Variants in RIOX2 observed in about 807,000 individuals in gnomAD.
The protein encoded by RIOX2 is 60S ribosomal protein L27a histidine hydroxylase.
In RIOX2, 43 loss-of-function variants were observed where a neutral mutation model predicts 51.2. The ratio of observed to expected loss-of-function variants is 0.84; its 90% CI spans 0.66 to 1.08. RIOX2 has a LOEUF of 1.08. Among genes scored for constraint, RIOX2 ranks in the 50% least tolerant of loss-of-function variants. The pLI, the probability that RIOX2 is intolerant of heterozygous loss-of-function variation, is 0.00. For synonymous variants in RIOX2, 226 were observed against 218.5 expected (o/e 1.03, Z -0.30); for missense variants, 566 against 561.7 (o/e 1.01, Z -0.08).
At chr3:97,953,327 G>A (rs571049565) in intron 5 of RIOX2, among the ~76,000 whole-genome samples, 174 of 151,786 alleles carry the variant, frequency 1.1e-3, no homozygotes, top group African/African-American at 4.0e-3. Flanking sequence ...TGAATTCCCA[G>A]CAACAAACAC....
In RIOX2 at chr3:97,943,461, A is replaced by G; in HGVS notation, c.*1723T>C. On this transcript the variant is annotated 3_prime_UTR_variant, in exon 10 of 10. Transcript: ENST00000394198. ...AACATTTTCTCCAGCCTCTGAGACT[A>G]TCGCTCTTAACCATGGAAAAGCTCA... 1 of 617,738 alleles carries G rather than the reference A, an allele frequency of 1.6e-6. No homozygotes were observed. The highest frequency in any genetic ancestry group is 2.8e-6 in the Non-Finnish European group (1 of 353,356). 38.3% of individuals were successfully genotyped at this position (617,738 alleles called of 1,614,324 possible).
chr3:97,965,244 G>A (rs1250975094), intron 2 of RIOX2, among the ~76,000 whole-genome samples: 1 of 149,654 alleles, frequency 6.7e-6, no homozygotes, highest in South Asian at 2.1e-4. Flanking sequence ...CAGCACAGTG[G>A]CTCACGCCTG....
At chr3:97,959,327 T>TTTTTG in intron 3 of RIOX2, 148 bp from the exon 4 acceptor site, 1 of 807,080 alleles carries the variant, frequency 1.2e-6, no homozygotes, top group East Asian at 3.0e-5. Flanking sequence ...TTTTTTTTTT[T>TTTTTG]TTTAGTTGTT....
chr3:97,943,244 A>G lies in RIOX2; in HGVS notation c.*1940T>C, dbSNP rs755281974. ...ATTTTAGGAGGAAATTATTGTGACAAGACTCATGTAATTGTAAATCAGCCC... is the reference window on the plus strand; with the variant it reads ...ATTTTAGGAGGAAATTATTGTGACAGGACTCATGTAATTGTAAATCAGCCC... On this transcript the variant is annotated 3_prime_UTR_variant, in exon 10 of 10. Coordinates refer to ENST00000394198, the MANE Select transcript of RIOX2 (RefSeq NM_153182.4). 12 of 1,580,980 alleles carry G rather than the reference A, an allele frequency of 7.6e-6. No homozygotes were observed. In the Admixed American group the frequency reaches 1.9e-4, roughly 25 times the overall value.
At position 97,961,594 on chromosome 3, in the gene RIOX2, C is replaced by A. The variant is rs1219049811; in HGVS notation, c.547G>T (p.Val183Phe). ...SQGLPPHYDDVEVFILQLEGE... is the reference protein window; with the variant it reads ...SQGLPPHYDDFEVFILQLEGE... ...CAATTTTCTCCATCTCTTACCTCGA[C>A]ATCATCATAATGGGGCGGCAGGCCC... is the stretch of plus-strand genomic sequence containing the variant. Residue 183 changes from valine to phenylalanine, a missense_variant, in exon 3 of 10, where the codon GTC becomes TTC. Physicochemically the swap from Val to Phe is conservative, Grantham distance 50. Transcript: ENST00000394198. The A allele has an allele frequency of 6.3e-7, 1 of 1,598,314 alleles. No individual in the cohort carries two copies. The highest frequency in any genetic ancestry group is 2.2e-5 in the East Asian group (1 of 44,710).
intron 1 of RIOX2, 106 bp downstream of exon 1, chr3:97,972,275 C>A (rs1361623111): frequency 6.6e-6 from 1 of 151,862 alleles, no homozygotes; most frequent in Non-Finnish European, 1.5e-5. Context: ...GTCTCCCAGA[C>A]CCGCACCCGA....
At chr3:97,945,767 G>C (rs200248068) in intron 9 of RIOX2, 31 bp downstream of exon 9, 1 of 1,503,436 alleles carries the variant, frequency 6.7e-7, no homozygotes, top group African/African-American at 1.4e-5. Flanking sequence ...CCAAGTCACA[G>C]GATAGGCATT....
chr3:97,951,908 T>C (rs1705269908), intron 5 of RIOX2, among the ~76,000 whole-genome samples: 1 of 152,212 alleles, frequency 6.6e-6, no homozygotes, highest in Admixed American at 6.5e-5. Context: ...CCATACAATA[T>C]GTGCTTCCTT....
intron 3 of RIOX2, among the ~76,000 whole-genome samples, chr3:97,960,199 G>A (rs1437949538): frequency 6.6e-6 from 1 of 152,144 alleles, no homozygotes; most frequent in East Asian, 1.9e-4. Flanking sequence ...ACAGAAAAAA[G>A]TCGTAACGTT....
At chr3:97,947,313 G>A (rs751131637) in intron 8 of RIOX2, 48 bp downstream of exon 8, 2 of 1,497,858 alleles carry the variant, frequency 1.3e-6, no homozygotes, top group Non-Finnish European at 1.9e-6. Context: ...GGCCTCTGAT[G>A]AAAAACACCC....
intron 1 of RIOX2, among the ~76,000 whole-genome samples, chr3:97,968,266 G>A (rs1705973199): frequency 6.6e-6 from 1 of 151,984 alleles, no homozygotes; most frequent in East Asian, 1.9e-4. Context: ...TCCTGAAAAC[G>A]GCCACTTTTA....
chr3:97,956,357 C>G (rs1705449869), intron 4 of RIOX2, among the ~76,000 whole-genome samples: 1 of 152,126 alleles, frequency 6.6e-6, no homozygotes, highest in Admixed American at 6.5e-5. Flanking sequence ...GTACAGCAAC[C>G]CTAGAGAGAT....
At chr3:97,949,068 C>A (rs1322418928) in intron 7 of RIOX2, among the ~76,000 whole-genome samples, 4 of 152,060 alleles carry the variant, frequency 2.6e-5, no homozygotes, top group African/African-American at 7.2e-5. Context: ...AACAATTTTA[C>A]CCATGCTATG....
chr3:97,950,054 A>G (rs1288726150), intron 6 of RIOX2, 39 bp from the exon 7 acceptor site: 5 of 1,609,068 alleles, frequency 3.1e-6, no homozygotes, highest in South Asian at 2.2e-5. Context: ...AGATGCCAGC[A>G]GAACTTACTG....
At chr3:97,954,590 G>A in intron 4 of RIOX2, 95 bp from the exon 5 acceptor site, 2 of 1,034,608 alleles carry the variant, frequency 1.9e-6, no homozygotes, top group Non-Finnish European at 2.9e-6. Context: ...TTGAGTCTCA[G>A]TTCTCCATTC....
At chr3:97,960,498 G>GT (rs1559762061) in intron 3 of RIOX2, among the ~76,000 whole-genome samples, 1 of 152,176 alleles carries the variant, frequency 6.6e-6, no homozygotes, top group Non-Finnish European at 1.5e-5. Context: ...TAGTAGTTAA[G>GT]TTTTAGGGAA....
In RIOX2 at chr3:97,943,543, A is replaced by T. The variant is rs1399889677; in HGVS notation, c.*1641T>A. On this transcript the variant is annotated 3_prime_UTR_variant, in exon 10 of 10. Transcript: ENST00000394198. ...AAAGAAAATATTATGATATCTTGGA[A>T]AGGTTCTATTCCTGATCTCCAGCTG... is the stretch of plus-strand genomic sequence containing the variant. The T allele has an allele frequency of 2.1e-6, 1 of 473,182 alleles. No individual in the cohort carries two copies. Among genetic ancestry groups the T allele is most frequent in the Non-Finnish European group, 3.7e-6 (1 of 271,192 alleles). The allele number at this position is 473,182 out of a possible 1,614,324, so 29.3% of individuals were successfully genotyped here.
chr3:97,963,825 C>A lies in RIOX2; in HGVS notation c.433-2117G>T, dbSNP rs1248965648. 2.0e-5 allele frequency among the ~76,000 whole-genome samples: 3 copies of A among 152,140 alleles called. No homozygotes were observed. The East Asian group carries it at 5.8e-4, about 29-fold the overall frequency. ...GACCTTTAGCCTCTGAATCTGCCAA[C>A]CGTGGCCTACTAGAAGAGATCTGGA... is the stretch of plus-strand genomic sequence containing the variant. On this transcript the variant is annotated intron_variant, in intron 2 of 9. Transcript: ENST00000394198.
At chr3:97,960,774 A>G (rs1022056161) in intron 3 of RIOX2, among the ~76,000 whole-genome samples, 1 of 152,186 alleles carries the variant, frequency 6.6e-6, no homozygotes, top group Non-Finnish European at 1.5e-5. Flanking sequence ...TAAATCTTCT[A>G]TCAGACAGCT....
Sources: allele counts gnomAD v4.1 joint callset (sites outside exome capture counted in the v4.1 genomes callset), GRCh38; gene constraint gnomAD v4.1.1; transcripts MANE v1.5; gene names NCBI Gene and HGNC (gene_info 2026-07-23, HGNC 2026-07-21).